ENTPD2: variants seen among roughly 807,000 people sequenced by gnomAD.
ENTPD2 encodes ectonucleoside triphosphate diphosphohydrolase 2.
In ENTPD2, 48 loss-of-function variants were observed where a neutral mutation model predicts 46.8. The ratio of observed to expected loss-of-function variants is 1.03; its 90% CI spans 0.81 to 1.30. ENTPD2 has a LOEUF of 1.30. Ranked by LOEUF, ENTPD2 falls within the 50% of genes most tolerant of loss-of-function variation. The pLI is 0.00. For missense variants in ENTPD2, 707 were observed against 651.1 expected, an observed-to-expected ratio of 1.09 and a Z score of -0.93; for synonymous variants, 316 against 286.1, an observed-to-expected ratio of 1.10 and a Z score of -1.06.
intron 7 of ENTPD2, chr9:137,049,395 G>T (rs1832213992): frequency 1.7e-6 from 1 of 598,696 alleles, no homozygotes; most frequent in Non-Finnish European, 3.0e-6. Flanking sequence ...CTCCAGGCCT[G>T]AGTCTGCCCG....
Position 137,050,901 on chromosome 9 carries a change from C to T in ENTPD2, c.774+1G>A, listed in dbSNP as rs750747096. On this transcript the variant is annotated splice_donor_variant, in intron 5 of 8. Coordinates refer to ENST00000355097, the MANE Select transcript of ENTPD2 (RefSeq NM_203468.3). LOFTEE classifies it high-confidence loss of function. ...GCAGGTGAGCCAGGGTGGAGGGGCA[C>T]CTGGAGGGCGCTGGCCAGCAGCCTC... The T allele has an allele frequency of 3.7e-6, 6 of 1,610,054 alleles. No individual in the cohort carries two copies. The highest frequency in any genetic ancestry group is 3.4e-6 in the Non-Finnish European group (4 of 1,179,906).
chr9:137,048,943 T>C lies in ENTPD2; in HGVS notation c.1282A>G (p.Lys428Glu), dbSNP rs758385044. Reference sequence around the variant, plus strand: ...CGCCCCGCCCCGCCCCAGCCCACCTTCTTCTGGAAGATCACGCCGCCGAAG... The same window carrying C: ...CGCCCCGCCCCGCCCCAGCCCACCTCCTTCTGGAAGATCACGCCGCCGAAG... ...RAFGGVIFQK[K>E]AADTAVGWAL... is the part of the protein sequence containing the mutation. Residue 428 changes from lysine (K) to glutamate (E), a missense_variant and splice_region_variant, in exon 8 of 9, where the codon AAG (lysine) becomes GAG (glutamate). Physicochemically the swap from Lys to Glu is moderately conservative, Grantham distance 56 (BLOSUM62 1). Coordinates refer to ENST00000355097, the MANE Select transcript of ENTPD2 (RefSeq NM_203468.3). The C allele has an allele frequency of 5.3e-5, 78 of 1,479,620 alleles. No homozygotes were observed. The highest frequency in any genetic ancestry group is 1.2e-5 in the South Asian group (1 of 82,142). The allele number at this position is 1,479,620 out of a possible 1,614,324, so 91.7% of individuals were successfully genotyped here.
At position 137,048,944 on chromosome 9, in the gene ENTPD2, C is replaced by G. The variant is rs764416173; in HGVS notation, c.1281G>C (p.Lys427Asn). Residue 427 changes from lysine to asparagine, a missense_variant, in exon 8 of 9, where the codon AAG becomes AAC. Physicochemically the swap from Lys to Asn is moderately conservative, Grantham distance 94 (BLOSUM62 0). Coordinates refer to ENST00000355097, the MANE Select transcript of ENTPD2 (RefSeq NM_203468.3). ...ERAFGGVIFQ[K>N]KAADTAVGWA... ...GCCCCGCCCCGCCCCAGCCCACCTT[C>G]TTCTGGAAGATCACGCCGCCGAAGG... 2.7e-5 allele frequency: 39 copies of G among 1,461,494 alleles called. No homozygotes were observed. The highest frequency in any genetic ancestry group is 3.5e-5 in the Non-Finnish European group (38 of 1,082,260). The allele number at this position is 1,461,494 out of a possible 1,614,324, so 90.5% of individuals were successfully genotyped here.
In ENTPD2 at chr9:137,048,967, A is replaced by G; in HGVS notation, c.1258T>C (p.Phe420Leu). The G allele has an allele frequency of 4.6e-6, 7 of 1,533,180 alleles. No homozygotes were observed. Among genetic ancestry groups the G allele is most frequent in the Non-Finnish European group, 6.1e-6 (7 of 1,142,986 alleles). 95.0% of individuals were successfully genotyped at this position (1,533,180 alleles called of 1,614,324 possible). ...TTCTTCTGGAAGATCACGCCGCCGA[A>G]GGCGCGCTCGTCGAAGCCGTAGCCG... ...SRGYGFDERA[F>L]GGVIFQKKAA... Residue 420 changes from phenylalanine to leucine, a missense_variant, in exon 8 of 9, where the codon TTC becomes CTC. Phe to Leu is a conservative substitution (Grantham distance 22). Coordinates refer to ENST00000355097, the MANE Select transcript of ENTPD2 (RefSeq NM_203468.3).
At position 137,050,966 on chromosome 9, in the gene ENTPD2, G is replaced by C; in HGVS notation, c.710C>G (p.Thr237Ser). ...HLYGQHYRVY[T>S]HSFLCYGRDQ... ...ACGGCCATAGCAGAGGAAGCTGTGG[G>C]TGTAGACTCGGTAGTGCTGGCCGTA... Residue 237 changes from threonine (T) to serine (S), a missense_variant, in exon 5 of 9, where the codon ACC (threonine) becomes AGC (serine). By Grantham distance (58) the Thr-to-Ser change is moderately conservative. Transcript: ENST00000355097. 6.2e-7 allele frequency: 1 copy of C among 1,612,776 alleles called. No homozygotes were observed. The highest frequency in any genetic ancestry group is 8.5e-7 in the Non-Finnish European group (1 of 1,180,012).
chr9:137,049,874 G>A lies in ENTPD2; in HGVS notation c.1145C>T (p.Ala382Val). 6.2e-7 allele frequency: 1 copy of A among 1,610,790 alleles called. No individual in the cohort carries two copies. The highest frequency in any genetic ancestry group is 8.5e-7 in the Non-Finnish European group (1 of 1,179,290). The part of the protein sequence containing the change: ...AAVNVCNQTW[A>V]QLQARVPGQR... Reference sequence around the variant, plus strand: ...AGGAGTGGGAGCGGGGCTCACCTGAGCCCAGGTCTGGTTGCAGACATTCAC... The same window carrying A: ...AGGAGTGGGAGCGGGGCTCACCTGAACCCAGGTCTGGTTGCAGACATTCAC... The change falls in exon 7 of 9, where the codon GCT (alanine) becomes GTT (valine). Residue 382 changes from alanine to valine, a missense_variant. Transcript: ENST00000355097.
chr9:137,048,912 C>G, intron 8 of ENTPD2, 29 bp downstream of exon 8: 1 of 1,474,404 alleles, frequency 6.8e-7, no homozygotes, highest in Non-Finnish European at 9.0e-7. Context: ...CCCGCAAGGT[C>G]GGCCCCGCCC....
Position 137,051,194 on chromosome 9 carries a change from C to T in ENTPD2, c.546+17G>A. The T allele has an allele frequency of 6.2e-7, 1 of 1,611,952 alleles. No individual in the cohort carries two copies. Among genetic ancestry groups the T allele is most frequent in the South Asian group, 1.1e-5 (1 of 91,038 alleles). On this transcript the variant is annotated intron_variant, in intron 4 of 8. Transcript: ENST00000355097. ...GCGCCCACGCCCCCTGGCTCTTTGG[C>T]TGGCTGCTGGGCCCACCTTGATGAA...
At chr9:137,050,035 A>G in intron 6 of ENTPD2, 46 bp from the exon 7 acceptor site, 1 of 1,584,676 alleles carries the variant, frequency 6.3e-7, no homozygotes, top group Non-Finnish European at 8.6e-7. Context: ...AGCGGCTCAG[A>G]GCACCTGCTG....
intron 1 of ENTPD2, among the ~76,000 whole-genome samples, chr9:137,053,560 C>G (rs1404614938): frequency 2.0e-5 from 3 of 152,214 alleles, no homozygotes; most frequent in African/African-American, 7.2e-5. Flanking sequence ...CCGGCAGCAC[C>G]CAGGGGGCAT....
chr9:137,051,233 T>TGA lies in ENTPD2; in HGVS notation c.523_524insTC (p.Tyr175PhefsTer201), dbSNP rs762486822. ...CACCTTGATGAAGTTCTCCAGCAGG[T>TGA]AGTTGGCAGTCACCCAGCCAAACAC... is the stretch of plus-strand genomic sequence containing the variant. On this transcript the variant is annotated frameshift_variant, in exon 4 of 9. Transcript: ENST00000355097. LOFTEE classifies it high-confidence loss of function. 28 of 1,612,572 alleles carry TGA rather than the reference T, an allele frequency of 1.7e-5. No homozygotes were observed. The highest frequency in any genetic ancestry group is 2.4e-5 in the Non-Finnish European group (28 of 1,179,852).
Position 137,051,708 on chromosome 9 carries a change from G to A in ENTPD2, c.236-48C>T, listed in dbSNP as rs777385314. On this transcript the variant is annotated intron_variant, in intron 2 of 8. Transcript: ENST00000355097. ...GCCTATGCCTCACGGGCAGCCCCTAGGTGGGCCGTAGGCCAGGAGAGTGAG... is the reference window on the plus strand; with the variant it reads ...GCCTATGCCTCACGGGCAGCCCCTAAGTGGGCCGTAGGCCAGGAGAGTGAG... 1.9e-6 allele frequency: 3 copies of A among 1,553,390 alleles called. No individual in the cohort carries two copies. The African/African-American group carries it at 4.1e-5, about 21-fold the overall frequency.
At position 137,051,588 on chromosome 9, in the gene ENTPD2, G is replaced by A. The variant is rs34618694; in HGVS notation, c.308C>T (p.Ala103Val). 0.014 allele frequency: 21,986 copies of A among 1,612,752 alleles called. 170 individuals are homozygous for A. Among genetic ancestry groups the A allele is most frequent in the Non-Finnish European group, 0.016 (18,417 of 1,179,912 alleles). Residue 103 changes from alanine to valine, a missense_variant, in exon 3 of 9, where the codon GCG (alanine) becomes GTG (valine). Coordinates refer to ENST00000355097, the MANE Select transcript of ENTPD2 (RefSeq NM_203468.3). ...TCTCTCTTTGGGCACATCCTGAAGC[G>A]CCTGTTCGAGGCATCCAACAAGACT... ...SQSLVGCLEQ[A>V]LQDVPKERHA...
rs1832226115 is a variant in ENTPD2, at chr9:137,049,940, CCCATCGAAGTCCG to C, written c.1066_1078del (p.Arg356GlyfsTer15). The C allele has an allele frequency of 6.2e-7, 1 of 1,612,446 alleles. No individual in the cohort carries two copies. The highest frequency in any genetic ancestry group is 8.5e-7 in the Non-Finnish European group (1 of 1,179,834). ...CTGCTGCAGGGTGGCCACGGGCAGC[CCCATCGAAGTCCG>C]CAAAAAGTCCACAGTGTAGAAGAAG... On this transcript the variant is annotated frameshift_variant, in exon 7 of 9. Transcript: ENST00000355097. LOFTEE classifies it high-confidence loss of function.
chr9:137,051,630 G>A lies in ENTPD2; in HGVS notation c.266C>T (p.Pro89Leu), dbSNP rs754560344. 8 of 1,612,490 alleles carry A rather than the reference G, an allele frequency of 5.0e-6. No homozygotes were observed. The highest frequency in any genetic ancestry group is 5.9e-6 in the Non-Finnish European group (7 of 1,179,806). The stretch of plus-strand genomic sequence containing the variant: ...AACAAGACTCTGGCTGGCCCCAGAA[G>A]GGTTGTCTGCATAGCTGGAGATGCC... ...GGGISSYADN[P>L]SGASQSLVGC... Residue 89 changes from proline to leucine, a missense_variant, in exon 3 of 9, where the codon CCT becomes CTT. Physicochemically the swap from Pro to Leu is moderately conservative, Grantham distance 98. Transcript: ENST00000355097.
intron 1 of ENTPD2, 42 bp from the exon 2 acceptor site, chr9:137,052,390 G>GGCC: frequency 1.4e-6 from 2 of 1,397,544 alleles, no homozygotes; most frequent in Non-Finnish European, 1.0e-6. Context: ...GTGTCCGGGG[G>GGCC]CCCTGACACC....
chr9:137,052,898 C>T (rs1035195910), intron 1 of ENTPD2: 1 of 152,418 alleles, frequency 6.6e-6, no homozygotes, highest in African/African-American at 2.4e-5. Flanking sequence ...GACACTCTCC[C>T]TAGGCCTCCA....
intron 5 of ENTPD2, 144 bp downstream of exon 5, chr9:137,050,758 C>T: frequency 7.9e-7 from 1 of 1,262,420 alleles, no homozygotes; most frequent in Non-Finnish European, 1.1e-6. Flanking sequence ...AGCCACTGGG[C>T]CTTTGCTCAT....
intron 4 of ENTPD2, 41 bp from the exon 5 acceptor site, chr9:137,051,170 C>G: frequency 7.4e-6 from 12 of 1,611,512 alleles, no homozygotes; most frequent in Non-Finnish European, 1.0e-5. Flanking sequence ...GGGCCGAGGG[C>G]GCCCACGCCC....
Sources: allele counts gnomAD v4.1 joint callset (sites outside exome capture counted in the v4.1 genomes callset), GRCh38; gene constraint gnomAD v4.1.1; transcripts MANE v1.5; gene names NCBI Gene and HGNC (gene_info 2026-07-23, HGNC 2026-07-21).